The following SLC4A4 variants were observed in gnomAD, a reference collection of about 807,000 sequenced individuals.
SLC4A4 encodes solute carrier family 4 member 4, also known as electrogenic sodium bicarbonate cotransporter 1.
A neutral mutation model predicts 111.5 loss-of-function variants in SLC4A4; 27 were observed. The ratio of observed to expected loss-of-function variants is 0.24; its 90% CI spans 0.18 to 0.33. The LOEUF is 0.33. Ranked by LOEUF, SLC4A4 falls within the 10% of genes least tolerant of loss-of-function variation. SLC4A4 has a pLI of 1.00. For missense variants in SLC4A4, 909 were observed against 1,315.5 expected (o/e 0.69, Z 4.78); for synonymous variants, 443 against 463.4 (o/e 0.96, Z 0.57).
At chr4:71,465,857 T>G (rs1034415185) in intron 12 of SLC4A4, among the ~76,000 whole-genome samples, 2 of 152,136 alleles carry the variant, frequency 1.3e-5, no homozygotes, top group African/African-American at 4.8e-5. Context: ...AAGTTTACAT[T>G]GGACAATGAA....
At chr4:71,546,848 C>T (rs929328422) in intron 19 of SLC4A4, among the ~76,000 whole-genome samples, 1 of 151,780 alleles carries the variant, frequency 6.6e-6, no homozygotes, top group African/African-American at 2.4e-5. Context: ...TATGTGAAGG[C>T]CCTAAAACTC....
At chr4:71,150,479 A>T (rs1285332528) in intron 2 of SLC4A4, among the ~76,000 whole-genome samples, 1 of 152,170 alleles carries the variant, frequency 6.6e-6, no homozygotes, top group Non-Finnish European at 1.5e-5. Flanking sequence ...AAGCCAGTAA[A>T]TACAGAGCCT....
At chr4:71,443,126 A>C (rs1327219777) in intron 8 of SLC4A4, among the ~76,000 whole-genome samples, 4,093 of 105,010 alleles carry the variant, frequency 0.039, 56 homozygotes, top group East Asian at 0.079. Flanking sequence ...CTATATATAT[A>C]TATATATATA....
At chr4:71,410,152 G>A (rs894275982) in intron 7 of SLC4A4, among the ~76,000 whole-genome samples, 3 of 152,188 alleles carry the variant, frequency 2.0e-5, no homozygotes, top group Non-Finnish European at 4.4e-5. Context: ...TGAGGGGTTG[G>A]ATCCCCCACA....
At chr4:71,359,341 A>G (rs567515627) in intron 6 of SLC4A4, among the ~76,000 whole-genome samples, 3 of 152,222 alleles carry the variant, frequency 2.0e-5, no homozygotes, top group East Asian at 1.9e-4. Flanking sequence ...TGATCAGCTT[A>G]CACTCTGAAG....
chr4:71,154,882 C>G (rs552893452), intron 2 of SLC4A4, among the ~76,000 whole-genome samples: 1 of 152,080 alleles, frequency 6.6e-6, no homozygotes, highest in Admixed American at 6.6e-5. Context: ...ATCACATGTA[C>G]TATGAGTTCA....
In SLC4A4 at chr4:71,520,626, A is replaced by C. The variant is rs546957488; in HGVS notation, c.2167-11436A>C. Among the ~76,000 whole-genome samples, 8 of 152,310 alleles carry C rather than the reference A, an allele frequency of 5.3e-5. No individual in the cohort carries two copies. The South Asian group carries it at 1.7e-3, about 32-fold the overall frequency. On this transcript the variant is annotated intron_variant, in intron 16 of 25. Transcript: ENST00000264485. ...GCCTTTTGAGCTCTAGTACTTTATA[A>C]ATTTAAGGAGTTTTCTGGCTCCATT...
chr4:71,357,319 C>T, intron 6 of SLC4A4, 132 bp downstream of exon 6: 2 of 871,326 alleles, frequency 2.3e-6, no homozygotes, highest in Non-Finnish European at 1.8e-6. Context: ...ATAGTCATTT[C>T]ATATTGACAT....
intron 7 of SLC4A4, among the ~76,000 whole-genome samples, chr4:71,435,523 C>T (rs955538151): frequency 1.3e-5 from 2 of 152,096 alleles, no homozygotes; most frequent in African/African-American, 4.8e-5. Context: ...ACTAAAACAC[C>T]AAAAGCAATG....
chr4:71,168,269 C>T (rs573024213), intron 2 of SLC4A4, among the ~76,000 whole-genome samples: 10 of 149,898 alleles, frequency 6.7e-5, no homozygotes, highest in African/African-American at 1.5e-4. Flanking sequence ...GTAACCTCCG[C>T]GTCCTGGGTT....
chr4:71,186,888 T>TA (rs1745472608), upstream of SLC4A4: 4 of 152,234 alleles, frequency 2.6e-5, no homozygotes, highest in Admixed American at 6.6e-5. Flanking sequence ...GAGATCCCCA[T>TA]AAATATGCAG....
Position 71,349,866 on chromosome 4 carries a change from A to G in SLC4A4, c.390-46A>G, listed in dbSNP as rs72852163. Reference sequence around the variant, plus strand: ...GGGTTGAGACTGCTATTTCTAGAGGAAGTTAGAACACTTTTAATTGCTCTT... The same window carrying G: ...GGGTTGAGACTGCTATTTCTAGAGGGAGTTAGAACACTTTTAATTGCTCTT... On this transcript the variant is annotated intron_variant, in intron 4 of 25. Coordinates refer to ENST00000264485, the MANE Select transcript of SLC4A4 (RefSeq NM_001098484.3). 4,632 of 1,598,364 alleles carry G rather than the reference A, an allele frequency of 2.9e-3. 129 individuals carry two copies. In the African/African-American group the frequency reaches 0.055, roughly 19 times the overall value.
At chr4:71,079,478 A>G (rs923972456) in intron 1 of SLC4A4, among the ~76,000 whole-genome samples, 4 of 152,186 alleles carry the variant, frequency 2.6e-5, no homozygotes, top group Admixed American at 6.5e-5. Context: ...AAATTTCACC[A>G]AAAAGAAGTG....
At chr4:71,202,239 G>A (rs1034294194) in intron 1 of SLC4A4, among the ~76,000 whole-genome samples, 2 of 152,176 alleles carry the variant, frequency 1.3e-5, no homozygotes, top group Non-Finnish European at 2.9e-5. Flanking sequence ...CACCTGGAAT[G>A]TTTTAGAAAT....
intron 12 of SLC4A4, among the ~76,000 whole-genome samples, chr4:71,458,576 C>T (rs1446412776): frequency 6.6e-6 from 1 of 151,972 alleles, no homozygotes; most frequent in Non-Finnish European, 1.5e-5. Flanking sequence ...TAACAGAGCA[C>T]ATTTTAAGGG....
chr4:71,154,223 C>T lies in SLC4A4; in HGVS notation c.-2+61431C>T, dbSNP rs72860042. Among the ~76,000 whole-genome samples, 801 of 152,246 alleles carry T rather than the reference C, an allele frequency of 5.3e-3. 9 individuals are homozygous for T. Among genetic ancestry groups the T allele is most frequent in the African/African-American group, 0.018 (766 of 41,540 alleles). On this transcript the variant is annotated intron_variant, in intron 2 of 26. Transcript: ENST00000649996. ...TATCTTCCTGGAAATGAGCTTATGG[C>T]TATGGCTCTTCAAAGGCTTGGTATT...
At chr4:71,323,745 G>C (rs984468107) in intron 3 of SLC4A4, among the ~76,000 whole-genome samples, 1 of 151,958 alleles carries the variant, frequency 6.6e-6, no homozygotes, top group African/African-American at 2.4e-5. Flanking sequence ...CAAAATTCCT[G>C]TTATCCATTA....
chr4:71,206,371 C>T (rs1271208162), intron 1 of SLC4A4, among the ~76,000 whole-genome samples: 1 of 152,100 alleles, frequency 6.6e-6, no homozygotes, highest in East Asian at 1.9e-4. Context: ...TTCATATATC[C>T]ATTTTATTTT....
chr4:71,557,914 G>A (rs778796465), intron 22 of SLC4A4, 29 bp downstream of exon 22: 1 of 1,555,804 alleles, frequency 6.4e-7, no homozygotes, highest in Non-Finnish European at 8.9e-7. Flanking sequence ...GAACGTACCT[G>A]TGAGATTATA....
Sources: gnomAD v4.1 joint callset for allele counts (sites outside exome capture counted in the v4.1 genomes callset) on GRCh38, gnomAD v4.1.1 for gene constraint, MANE v1.5 for transcripts, NCBI Gene and HGNC (gene_info 2026-07-23, HGNC 2026-07-21) for gene names.